Variants in TDRD3 observed in about 807,000 individuals in gnomAD.
TDRD3 encodes the protein tudor domain-containing protein 3.
In TDRD3, 45 loss-of-function variants were observed where a neutral mutation model predicts 86.7. That is an observed-to-expected ratio of 0.52 (90% CI 0.41 to 0.67). TDRD3 has a LOEUF of 0.67. Ranked by LOEUF, TDRD3 falls within the 30% of genes least tolerant of loss-of-function variation. TDRD3 has a pLI of 0.00. For synonymous variants in TDRD3, 298 were observed against 301.7 expected (o/e 0.99, Z 0.13); for missense variants, 814 against 889.0 (o/e 0.92, Z 1.07).
intron 12 of TDRD3, among the ~76,000 whole-genome samples, chr13:60,545,929 TCTC>T (rs1957931090): frequency 6.6e-6 from 1 of 152,088 alleles, no homozygotes; most frequent in East Asian, 1.9e-4. Context: ...TCCTCCTCAT[TCTC>T]CTCCTCTTTT....
intron 1 of TDRD3, among the ~76,000 whole-genome samples, chr13:60,405,517 TC>T (rs1158619283): frequency 6.6e-6 from 1 of 152,038 alleles, no homozygotes; most frequent in Admixed American, 6.5e-5. Flanking sequence ...GAGAATGCTA[TC>T]CTGAGATCTG....
chr13:60,528,845 A>T lies in TDRD3; in HGVS notation c.1620A>T (p.Thr540=), dbSNP rs1274739118. The T allele has an allele frequency of 1.2e-6, 2 of 1,613,442 alleles. No individual in the cohort carries two copies. Among genetic ancestry groups the T allele is most frequent in the East Asian group, 2.2e-5 (1 of 44,858 alleles). ...AACGTGGAAAAAGAGAAAGCCAAACATCTATTCCTGATTATTTTTATGACA... is the reference window on the plus strand; with the variant it reads ...AACGTGGAAAAAGAGAAAGCCAAACTTCTATTCCTGATTATTTTTATGACA... ...NQKRGKRESQ[T]SIPDYFYDRK... is the part of the protein sequence containing the mutation. Residue 540 remains threonine (T), a synonymous_variant, in exon 11 of 14, where the codon ACA becomes ACT. Coordinates refer to ENST00000377881, the MANE Select transcript of TDRD3 (RefSeq NM_001146070.2).
At chr13:60,499,051 GTGAGGGTGATTA>G (rs1956777269) in intron 8 of TDRD3, among the ~76,000 whole-genome samples, 1 of 152,184 alleles carries the variant, frequency 6.6e-6, no homozygotes, top group African/African-American at 2.4e-5. Flanking sequence ...GACTGGTAGG[GTGAGGGTGATTA>G]TGGTGGAAAA....
intron 5 of TDRD3, among the ~76,000 whole-genome samples, chr13:60,478,099 A>G (rs999959362): frequency 1.3e-5 from 2 of 151,918 alleles, no homozygotes; most frequent in African/African-American, 4.8e-5. Flanking sequence ...TGGTTCATTC[A>G]GTCTTTGGAG....
chr13:60,512,089 A>T (rs1188514292), intron 10 of TDRD3, among the ~76,000 whole-genome samples: 1 of 152,092 alleles, frequency 6.6e-6, no homozygotes, highest in Non-Finnish European at 1.5e-5. Context: ...CAGGAAAAAG[A>T]GTGTATTGGA....
chr13:60,544,282 A>G (rs1258398592), intron 12 of TDRD3, among the ~76,000 whole-genome samples: 1 of 151,924 alleles, frequency 6.6e-6, no homozygotes, highest in Non-Finnish European at 1.5e-5. Context: ...CAAAAATAAA[A>G]TAAAATAAAA....
At chr13:60,565,303 C>T (rs1305785286) in intron 12 of TDRD3, among the ~76,000 whole-genome samples, 2 of 152,060 alleles carry the variant, frequency 1.3e-5, no homozygotes, top group African/African-American at 4.8e-5. Flanking sequence ...GATCCGCCCG[C>T]CTCGGCCTCC....
At chr13:60,437,958 C>G (rs955938298) in intron 1 of TDRD3, among the ~76,000 whole-genome samples, 4 of 151,986 alleles carry the variant, frequency 2.6e-5, no homozygotes, top group African/African-American at 9.7e-5. Flanking sequence ...TACACTATTC[C>G]TTTTCTGTGT....
chr13:60,466,978 T>C (rs1035677057), intron 4 of TDRD3, among the ~76,000 whole-genome samples: 21 of 151,846 alleles, frequency 1.4e-4, no homozygotes, highest in Non-Finnish European at 1.5e-5. Context: ...GTGTGTGTTT[T>C]TTTGTTTTTT....
At chr13:60,572,058 CTT>C (rs1958597326) in intron 13 of TDRD3, among the ~76,000 whole-genome samples, 2 of 152,108 alleles carry the variant, frequency 1.3e-5, no homozygotes, top group African/African-American at 4.8e-5. Context: ...CCAACCAAAA[CTT>C]TGTGCGTTTG....
chr13:60,528,213 G>A (rs1566274901), intron 10 of TDRD3, among the ~76,000 whole-genome samples, 154 bp from the exon 11 acceptor site: 1 of 152,184 alleles, frequency 6.6e-6, no homozygotes, highest in Non-Finnish European at 1.5e-5. Flanking sequence ...CTCCAAGGAA[G>A]CAAAGAAGGA....
At chr13:60,411,150 C>A (rs951915776) in intron 1 of TDRD3, among the ~76,000 whole-genome samples, 1 of 152,122 alleles carries the variant, frequency 6.6e-6, no homozygotes, top group Non-Finnish European at 1.5e-5. Flanking sequence ...AAATTTTCTA[C>A]TAGTTATAAA....
rs557566418 is a variant in TDRD3, at chr13:60,439,955, ATC to A, written c.126+185_126+186del. 1.4e-4 allele frequency among the ~76,000 whole-genome samples: 21 copies of A among 152,290 alleles called. No homozygotes were observed. The East Asian group carries it at 1.9e-3, about 14-fold the overall frequency. ...AATCTCATATTAGCAAGTTATTAAT[ATC>A]TGTTATACAGAATCCAATGAAAAAG... On this transcript the variant is annotated intron_variant, in intron 2 of 13. Transcript: ENST00000377881.
chr13:60,439,809 C>A, intron 2 of TDRD3, 37 bp downstream of exon 2: 2 of 1,376,478 alleles, frequency 1.5e-6, no homozygotes, highest in Non-Finnish European at 1.9e-6. Context: ...CATTTGAAAT[C>A]TGGAAGCTGT....
intron 8 of TDRD3, among the ~76,000 whole-genome samples, chr13:60,499,357 A>AC (rs1385874377): frequency 6.6e-6 from 1 of 152,208 alleles, no homozygotes; most frequent in African/African-American, 2.4e-5. Context: ...ATCTCCTGGT[A>AC]CCTGGTATGT....
intron 7 of TDRD3, among the ~76,000 whole-genome samples, 185 bp downstream of exon 7, chr13:60,486,133 T>A (rs987092725): frequency 6.6e-6 from 1 of 152,200 alleles, no homozygotes; most frequent in Non-Finnish European, 1.5e-5. Flanking sequence ...TTTATTCATG[T>A]GTTCTTTTTC....
chr13:60,544,143 G>T (rs1474475358), intron 12 of TDRD3, among the ~76,000 whole-genome samples: 2 of 151,228 alleles, frequency 1.3e-5, no homozygotes, highest in African/African-American at 4.9e-5. Context: ...GCTAGCATTG[G>T]CTACTAAATC....
chr13:60,565,257 T>A (rs185551340), intron 12 of TDRD3, among the ~76,000 whole-genome samples: 1 of 151,922 alleles, frequency 6.6e-6, no homozygotes, highest in South Asian at 2.1e-4. Flanking sequence ...AGGTTTCACC[T>A]TGTTAGCCAG....
intron 3 of TDRD3, among the ~76,000 whole-genome samples, chr13:60,451,651 T>C (rs1955546185): frequency 6.6e-6 from 1 of 152,180 alleles, no homozygotes. Context: ...TACTGCATTG[T>C]GGAATTAAGC....
Sources: gnomAD v4.1 joint callset for allele counts (sites outside exome capture counted in the v4.1 genomes callset) on GRCh38, gnomAD v4.1.1 for gene constraint, MANE v1.5 for transcripts, NCBI Gene and HGNC (gene_info 2026-07-23, HGNC 2026-07-21) for gene names.